The following WASF1 variants were observed in gnomAD, a reference collection of about 807,000 sequenced individuals.
The protein encoded by WASF1 is actin-binding protein WASF1.
WASF1 carries 7 observed loss-of-function variants against 50.5 expected under a neutral mutation model. The ratio of observed to expected loss-of-function variants is 0.14; its 90% CI spans 0.08 to 0.26. WASF1 has a LOEUF of 0.26. WASF1 is among the 10% of genes least tolerant of loss of function. The pLI is 1.00. For synonymous variants in WASF1, 205 were observed against 244.0 expected (o/e 0.84, Z 1.49); for missense variants, 470 against 694.7 (o/e 0.68, Z 3.64).
intron 4 of WASF1, among the ~76,000 whole-genome samples, chr6:110,120,341 G>A (rs967234999): frequency 6.6e-6 from 1 of 152,172 alleles, no homozygotes; most frequent in Non-Finnish European, 1.5e-5. Flanking sequence ...CTTCAGCGAA[G>A]TCTCAGGATA....
chr6:110,111,521 T>C (rs570540966), intron 5 of WASF1, among the ~76,000 whole-genome samples: 80 of 152,312 alleles, frequency 5.3e-4, no homozygotes, highest in African/African-American at 1.9e-3. Flanking sequence ...TAAATAGACA[T>C]TTCTCCAAAG....
chr6:110,109,899 C>T (rs918402118), intron 5 of WASF1, among the ~76,000 whole-genome samples: 3 of 151,982 alleles, frequency 2.0e-5, no homozygotes, highest in African/African-American at 7.3e-5. Flanking sequence ...AATAATATTC[C>T]TGTCATCCCC....
chr6:110,113,544 T>A, intron 4 of WASF1, 84 bp from the exon 5 acceptor site: 4 of 1,257,364 alleles, frequency 3.2e-6, no homozygotes, highest in Non-Finnish European at 4.3e-6. Context: ...AAATCTAGCA[T>A]GATATTTGCC....
Position 110,127,607 on chromosome 6 carries a change from G to C in WASF1, c.-6C>G, listed in dbSNP as rs1210989276. 5.2e-6 allele frequency: 8 copies of C among 1,539,212 alleles called. No individual in the cohort carries two copies. The highest frequency in any genetic ancestry group is 7.0e-6 in the Non-Finnish European group (8 of 1,144,586). On this transcript the variant is annotated 5_prime_UTR_variant, in exon 4 of 11. It adds an upstream start codon to the 5' untranslated region. Coordinates refer to ENST00000392589, the MANE Select transcript of WASF1 (RefSeq NM_003931.3). Reference sequence around the variant, plus strand: ...TTTCTTTTCACTAGCGGCATCTTGAGATTAACCTTTGTGCCAGTTCACCTG... The same window carrying C: ...TTTCTTTTCACTAGCGGCATCTTGACATTAACCTTTGTGCCAGTTCACCTG...
intron 3 of WASF1, among the ~76,000 whole-genome samples, chr6:110,139,586 T>C (rs1480965355): frequency 4.6e-5 from 7 of 152,174 alleles, no homozygotes; most frequent in Admixed American, 3.3e-4. Flanking sequence ...ATTCTTTCAA[T>C]TATCTTAGGT....
At chr6:110,159,031 T>C (rs1490301826) in intron 3 of WASF1, among the ~76,000 whole-genome samples, 1 of 151,948 alleles carries the variant, frequency 6.6e-6, no homozygotes, top group Non-Finnish European at 1.5e-5. Context: ...TTTTCCATGC[T>C]TACATCTTGT....
intron 2 of WASF1, among the ~76,000 whole-genome samples, chr6:110,163,417 G>C (rs1776341313): frequency 6.6e-6 from 1 of 151,458 alleles, no homozygotes; most frequent in Non-Finnish European, 1.5e-5. Context: ...CCAGGCTGTA[G>C]ACTTCTTGTT....
intron 4 of WASF1, among the ~76,000 whole-genome samples, chr6:110,125,390 T>A (rs2114512036): frequency 6.6e-6 from 1 of 152,288 alleles, no homozygotes; most frequent in South Asian, 2.1e-4. Flanking sequence ...TACCTCCTTT[T>A]GGTTGGGTTC....
At chr6:110,116,687 G>A (rs907859066) in intron 4 of WASF1, among the ~76,000 whole-genome samples, 1 of 152,196 alleles carries the variant, frequency 6.6e-6, no homozygotes, top group Non-Finnish European at 1.5e-5. Flanking sequence ...TCTCAGCACA[G>A]CGTCTGAACT....
intron 2 of WASF1, among the ~76,000 whole-genome samples, chr6:110,178,286 A>G (rs1210733527): frequency 2.6e-5 from 4 of 152,206 alleles, no homozygotes; most frequent in African/African-American, 9.6e-5. Context: ...CAATATAAAC[A>G]AAAATGTTTC....
chr6:110,154,116 A>C (rs1775948463), intron 3 of WASF1, among the ~76,000 whole-genome samples: 1 of 152,108 alleles, frequency 6.6e-6, no homozygotes, highest in South Asian at 2.1e-4. Flanking sequence ...AGGTTCTACA[A>C]ATTATTTGAA....
intron 3 of WASF1, among the ~76,000 whole-genome samples, chr6:110,137,027 C>G (rs141755408): frequency 5.6e-4 from 85 of 152,276 alleles, no homozygotes; most frequent in African/African-American, 1.9e-3. Flanking sequence ...AGTCATAAAG[C>G]AGGTTTCATG....
chr6:110,107,256 T>C, intron 6 of WASF1, 62 bp from the exon 7 acceptor site: 1 of 1,089,056 alleles, frequency 9.2e-7, no homozygotes, highest in Non-Finnish European at 1.3e-6. Flanking sequence ...AGAATAGAAA[T>C]AATTTCACTA....
intron 3 of WASF1, among the ~76,000 whole-genome samples, chr6:110,136,050 A>AT (rs1225730842): frequency 6.6e-6 from 1 of 150,936 alleles, no homozygotes; most frequent in Admixed American, 6.6e-5. Context: ...TGCCCAGCTA[A>AT]TTTTTTTGTA....
chr6:110,165,615 T>C (rs1247785957), intron 2 of WASF1, among the ~76,000 whole-genome samples: 2 of 151,794 alleles, frequency 1.3e-5, no homozygotes, highest in Admixed American at 6.6e-5. Flanking sequence ...AACATGATCA[T>C]TTAAGAATGT....
intron 5 of WASF1, among the ~76,000 whole-genome samples, chr6:110,112,909 A>AAC (rs1562164697): frequency 8.8e-6 from 1 of 114,008 alleles, no homozygotes; most frequent in African/African-American, 4.4e-5. Context: ...AAAAAAAAAA[A>AAC]CAAAAAAAAA....
In WASF1 at chr6:110,100,765, A is replaced by T. The variant is rs973567180; in HGVS notation, c.1523-86T>A. On this transcript the variant is annotated intron_variant, in intron 10 of 10. Transcript: ENST00000392589. ...ATATTTCTGGAATAAAATCAAATAC[A>T]CATGAGAAATACTTATAGGAAAATA... 4 of 1,294,984 alleles carry T rather than the reference A, an allele frequency of 3.1e-6. No homozygotes were observed. The African/African-American group carries it at 6.1e-5, about 20-fold the overall frequency. 80.2% of individuals were successfully genotyped at this position (1,294,984 alleles called of 1,614,324 possible).
intron 3 of WASF1, among the ~76,000 whole-genome samples, chr6:110,128,331 G>A (rs1774505222): frequency 6.6e-6 from 1 of 152,062 alleles, no homozygotes; most frequent in African/African-American, 2.4e-5. Flanking sequence ...CTATAATAGG[G>A]ATTTTGTTCT....
intron 3 of WASF1, among the ~76,000 whole-genome samples, chr6:110,144,939 C>T (rs1040118297): frequency 3.0e-4 from 45 of 152,036 alleles, no homozygotes; most frequent in African/African-American, 8.9e-4. Context: ...CTTGGCGATG[C>T]GGGCTCTTTT....
Sources: allele counts gnomAD v4.1 joint callset (sites outside exome capture counted in the v4.1 genomes callset), GRCh38; gene constraint gnomAD v4.1.1; transcripts MANE v1.5; gene names NCBI Gene and HGNC (gene_info 2026-07-23, HGNC 2026-07-21).